FIGNL2: variants seen among roughly 807,000 people sequenced by gnomAD.
The protein encoded by FIGNL2 is fidgetin like 2, also known as fidgetin-like protein 2.
For synonymous variants in FIGNL2, 565 were observed against 484.0 expected, an observed-to-expected ratio of 1.17 and a Z score of -2.20; for missense variants, 1,060 against 950.2, an observed-to-expected ratio of 1.12 and a Z score of -1.52.
intron 1 of FIGNL2, chr12:51,847,816 G>A: frequency 5.1e-6 from 5 of 985,318 alleles, no homozygotes; most frequent in Non-Finnish European, 6.0e-6. Context: ...GAGGGCTCTT[G>A]CGGTGGGGAA....
intron 1 of FIGNL2, chr12:51,848,189 G>A (rs949050673): frequency 2.1e-5 from 21 of 984,176 alleles, no homozygotes; most frequent in Non-Finnish European, 2.3e-5. Flanking sequence ...ACCCGAACCC[G>A]CAAACCTTGG....
In FIGNL2 at chr12:51,820,782, C is replaced by G; in HGVS notation, c.1632G>C (p.Ala544=). ...AGCGGAGAGAGAAGCGCCGGCGGGT[C>G]GCCTCGTCCAGAGCCGCGGGCCGCG... ...TTSRPAALDE[A]TRRRFSLRFY... is the part of the protein sequence containing the mutation. The change falls in exon 2 of 2, where the codon GCG becomes GCC. Residue 544 remains alanine, a synonymous_variant. Transcript: ENST00000618634. The G allele has an allele frequency of 6.8e-7, 1 of 1,479,972 alleles. No homozygotes were observed. The highest frequency in any genetic ancestry group is 8.9e-7 in the Non-Finnish European group (1 of 1,123,976). 91.7% of individuals were successfully genotyped at this position (1,479,972 alleles called of 1,614,324 possible).
chr12:51,830,952 C>T (rs1466655592), intron 1 of FIGNL2, among the ~76,000 whole-genome samples: 1 of 152,068 alleles, frequency 6.6e-6, no homozygotes, highest in Non-Finnish European at 1.5e-5. Flanking sequence ...CCGAGCTTGG[C>T]TAATGTTTGT....
At chr12:51,848,122 G>C (rs1939791662) in intron 1 of FIGNL2, 2 of 984,946 alleles carry the variant, frequency 2.0e-6, no homozygotes, top group Non-Finnish European at 2.4e-6. Flanking sequence ...AAGACCTGAC[G>C]GAGTGGGAGG....
At chr12:51,840,489 A>G (rs1939642648) in intron 1 of FIGNL2, among the ~76,000 whole-genome samples, 1 of 152,186 alleles carries the variant, frequency 6.6e-6, no homozygotes, top group Non-Finnish European at 1.5e-5. Context: ...TAATCCCAAC[A>G]CTTTGGGAGG....
chr12:51,828,522 T>G (rs1243011133), intron 1 of FIGNL2: 1 of 152,198 alleles, frequency 6.6e-6, no homozygotes, highest in African/African-American at 2.4e-5. Context: ...GTAAAGTCAT[T>G]CCTAAAACCC....
rs776195952 is a variant in FIGNL2 at position 51,821,309 on chromosome 12, C to T, written c.1105G>A (p.Gly369Ser). Residue 369 changes from glycine to serine, a missense_variant, in exon 2 of 2, where the codon GGC becomes AGC. Transcript: ENST00000618634. ...FAVPSGETPKGVDPGALELVT... is the reference protein window; with the variant it reads ...FAVPSGETPKSVDPGALELVT... The stretch of plus-strand genomic sequence containing the variant: ...AGCTCCAGGGCCCCAGGGTCCACGC[C>T]TTTGGGAGTCTCCCCCGACGGCACG... 4 of 1,521,354 alleles carry T rather than the reference C, an allele frequency of 2.6e-6. No individual in the cohort carries two copies. The African/African-American group carries it at 4.2e-5, about 16-fold the overall frequency. The allele number at this position is 1,521,354 out of a possible 1,614,324, so 94.2% of individuals were successfully genotyped here.
At chr12:51,848,272 G>A (rs1213860419) in intron 1 of FIGNL2, 2 of 984,946 alleles carry the variant, frequency 2.0e-6, no homozygotes, top group Non-Finnish European at 1.2e-6. Flanking sequence ...CACCAGAGGG[G>A]GCTGCGAGAC....
At chr12:51,845,065 T>C (rs1162169002) in intron 1 of FIGNL2, among the ~76,000 whole-genome samples, 2 of 152,084 alleles carry the variant, frequency 1.3e-5, no homozygotes, top group Non-Finnish European at 2.9e-5. Context: ...GAATGCAAAG[T>C]CTGGTGTCAA....
Position 51,821,970 on chromosome 12 carries a change from C to G in FIGNL2, c.444G>C (p.Ala148=), listed in dbSNP as rs772877507. The G allele has an allele frequency of 7.0e-5, 109 of 1,558,672 alleles. No homozygotes were observed. The highest frequency in any genetic ancestry group is 9.3e-5 in the Non-Finnish European group (107 of 1,153,186). The change falls in exon 2 of 2, where the codon GCG becomes GCC. Residue 148 remains alanine (A), a synonymous_variant. Transcript: ENST00000618634. ...CGGGCGCCGCCGATGGGCCCCCGCACGCATTGCCGGCGTAGAGGGGTTCAG... is the reference window on the plus strand; with the variant it reads ...CGGGCGCCGCCGATGGGCCCCCGCAGGCATTGCCGGCGTAGAGGGGTTCAG... ...NLPEPLYAGN[A]CGGPSAAPEY...
At chr12:51,840,845 C>G (rs1346533982) in intron 1 of FIGNL2, among the ~76,000 whole-genome samples, 1 of 152,256 alleles carries the variant, frequency 6.6e-6, no homozygotes, top group Non-Finnish European at 1.5e-5. Flanking sequence ...CCACACTTCC[C>G]CTCCCCGTAG....
intron 1 of FIGNL2, chr12:51,847,456 C>A (rs535261974): frequency 9.1e-6 from 9 of 985,484 alleles, no homozygotes; most frequent in East Asian, 2.3e-4. Context: ...CACAAACATT[C>A]TTCAGTCCTC....
chr12:51,840,217 C>G (rs550317605), intron 1 of FIGNL2, among the ~76,000 whole-genome samples: 3 of 152,280 alleles, frequency 2.0e-5, no homozygotes, highest in Admixed American at 1.3e-4. Flanking sequence ...GCCCTGTGAT[C>G]TGGGGCTGGT....
chr12:51,817,913 T>G lies in FIGNL2; in HGVS notation c.*2539A>C, dbSNP rs1939077712. The G allele has an allele frequency of 6.6e-6, 1 of 152,416 alleles. No individual in the cohort carries two copies. The highest frequency in any genetic ancestry group is 1.5e-5 in the Non-Finnish European group (1 of 68,034). The allele number at this position is 152,416 out of a possible 1,614,324, so 9.4% of individuals were successfully genotyped here. ...CTTCTGCAAACCACATGTCATCGCTTTAATACTGTGTAATACTTTCTTTTA... is the reference window on the plus strand; with the variant it reads ...CTTCTGCAAACCACATGTCATCGCTGTAATACTGTGTAATACTTTCTTTTA... On this transcript the variant is annotated 3_prime_UTR_variant, in exon 2 of 2. Coordinates refer to ENST00000618634, the MANE Select transcript of FIGNL2 (RefSeq NM_001384995.1).
chr12:51,826,640 CAAAAAAAAAAAA>C (rs4025910), intron 1 of FIGNL2, among the ~76,000 whole-genome samples: 1 of 104,390 alleles, frequency 9.6e-6, no homozygotes, highest in Admixed American at 1.0e-4. Flanking sequence ...ACTCCCATCT[CAAAAAAAAAAAA>C]AAAAAAAAAA....
At chr12:51,840,895 T>C (rs1249211939) in intron 1 of FIGNL2, among the ~76,000 whole-genome samples, 1 of 152,178 alleles carries the variant, frequency 6.6e-6, no homozygotes, top group Non-Finnish European at 1.5e-5. Flanking sequence ...TCTGTTTGGG[T>C]GGCATGTGGC....
intron 1 of FIGNL2, among the ~76,000 whole-genome samples, chr12:51,832,935 G>T (rs1044322425): frequency 6.6e-6 from 1 of 152,164 alleles, no homozygotes; most frequent in Non-Finnish European, 1.5e-5. Context: ...GAAACCTTGC[G>T]GTCATCCTTA....
chr12:51,842,298 C>A (rs546229804), intron 1 of FIGNL2, among the ~76,000 whole-genome samples: 2 of 152,302 alleles, frequency 1.3e-5, no homozygotes, highest in African/African-American at 4.8e-5. Context: ...GAAAGGAAGC[C>A]CCTTCCTAGA....
intron 1 of FIGNL2, among the ~76,000 whole-genome samples, chr12:51,835,006 G>T (rs1308490055): frequency 6.6e-6 from 1 of 152,226 alleles, no homozygotes; most frequent in Non-Finnish European, 1.5e-5. Flanking sequence ...CTCAGCCCAT[G>T]TGTCAACACC....
Sources: gnomAD v4.1 joint callset for allele counts (sites outside exome capture counted in the v4.1 genomes callset) on GRCh38, gnomAD v4.1.1 for gene constraint, MANE v1.5 for transcripts, NCBI Gene and HGNC (gene_info 2026-07-23, HGNC 2026-07-21) for gene names.